Variants in MYO9B observed in about 807,000 individuals in gnomAD.
MYO9B encodes unconventional myosin-IXb.
In MYO9B, 71 loss-of-function variants were observed where a neutral mutation model predicts 229.5. The ratio of observed to expected loss-of-function variants is 0.31; its 90% CI spans 0.26 to 0.38. The LOEUF (loss-of-function observed/expected upper bound fraction) is 0.38, where lower values mean the gene tolerates loss of function less well. Among genes scored for constraint, MYO9B ranks in the 10% least tolerant of loss-of-function variants. The pLI is 1.00. For synonymous variants in MYO9B, 1,185 were observed against 1,235.8 expected, an observed-to-expected ratio of 0.96 and a Z score of 0.86; for missense variants, 2,255 against 2,920.5, an observed-to-expected ratio of 0.77 and a Z score of 5.25.
chr19:17,196,167 TGGATGGAAGATAGAGATGATGGAA>T (rs2073041069), intron 22 of MYO9B, among the ~76,000 whole-genome samples: 1 of 138,426 alleles, frequency 7.2e-6, no homozygotes, highest in Non-Finnish European at 1.6e-5. Flanking sequence ...GGTGGGTGGA[TGGATGGAAGATAGAGATGATGGAA>T]GGATGGATGG....
intron 1 of MYO9B, among the ~76,000 whole-genome samples, chr19:17,081,236 C>G (rs2057531235): frequency 6.6e-6 from 1 of 152,088 alleles, no homozygotes; most frequent in African/African-American, 2.4e-5. Context: ...TTGTGTTGAC[C>G]AGGCTGGTCT....
chr19:17,212,115 A>G lies in MYO9B; in HGVS notation c.6279A>G (p.Pro2093=). 2 of 1,590,268 alleles carry G rather than the reference A, an allele frequency of 1.3e-6. No individual in the cohort carries two copies. The highest frequency in any genetic ancestry group is 1.7e-6 in the Non-Finnish European group (2 of 1,170,004). ...CGGGTGCCCGGGAGGCGGCTGCCCC[A>G]GTGCGGCGCCGGGAGCCACCTGCCC... ...WAPGAREAAA[P]VRRREPPARR... The change falls in exon 40 of 40, where the codon CCA becomes CCG. Residue 2093 remains proline, a synonymous_variant. Coordinates refer to ENST00000682292, the MANE Select transcript of MYO9B (RefSeq NM_004145.4). This position sits in a 1 kb window ranked among gnomAD's most constrained non-coding sequence, Gnocchi z 5.4.
intron 2 of MYO9B, among the ~76,000 whole-genome samples, chr19:17,142,220 A>T (rs1379432173): frequency 6.6e-6 from 1 of 151,890 alleles, no homozygotes; most frequent in African/African-American, 2.4e-5. Context: ...ACAGGCCATA[A>T]GTGTATGACC....
At chr19:17,082,155 C>T (rs549009768) in intron 1 of MYO9B, among the ~76,000 whole-genome samples, 2 of 152,330 alleles carry the variant, frequency 1.3e-5, no homozygotes, top group African/African-American at 4.8e-5. Context: ...AGAGCTGGCC[C>T]TTGGGGAGAC....
intron 6 of MYO9B, among the ~76,000 whole-genome samples, chr19:17,155,405 T>C (rs1307621957): frequency 6.6e-6 from 1 of 152,112 alleles, no homozygotes; most frequent in Admixed American, 6.6e-5. Context: ...AATTTTGAAT[T>C]CTTGGGCTCA....
chr19:17,077,580 C>G (rs983925114), intron 1 of MYO9B, among the ~76,000 whole-genome samples: 1 of 152,180 alleles, frequency 6.6e-6, no homozygotes, highest in African/African-American at 2.4e-5. Context: ...GGGGGGAGCA[C>G]TGTGTTGGAG....
At chr19:17,081,753 G>C (rs2057535323) in intron 1 of MYO9B, among the ~76,000 whole-genome samples, 2 of 148,562 alleles carry the variant, frequency 1.3e-5, no homozygotes, top group Admixed American at 1.4e-4. Context: ...AGGTTGCAGT[G>C]AGCCGTGATC....
In MYO9B at chr19:17,090,111, T is replaced by G. The variant is rs563570948; in HGVS notation, c.-58-11549T>G. On this transcript the variant is annotated intron_variant, in intron 1 of 39. Transcript: ENST00000682292. The stretch of plus-strand genomic sequence containing the variant: ...TCCACGTTATAGCATGAATCGGTGC[T>G]TCCTTCCTTTTTTTTTTTTTTTTTT... Among the ~76,000 whole-genome samples the G allele has an allele frequency of 1.7e-3, 250 of 143,268 alleles. 1 individual carries two copies. Among genetic ancestry groups the G allele is most frequent in the African/African-American group, 6.2e-3 (242 of 38,836 alleles). The allele number at this position is 143,268 out of a possible 152,430, so 94.0% of individuals were successfully genotyped here. A position where few individuals can be genotyped will look rare whatever the true frequency, so the allele number is the denominator to read the frequency against.
chr19:17,117,578 C>G (rs371373006), intron 2 of MYO9B, among the ~76,000 whole-genome samples: 1 of 152,134 alleles, frequency 6.6e-6, no homozygotes, highest in Admixed American at 6.6e-5. Flanking sequence ...CTGTAAATCC[C>G]GGACAGTATC....
At chr19:17,082,022 C>G (rs768064447) in intron 1 of MYO9B, among the ~76,000 whole-genome samples, 1 of 152,186 alleles carries the variant, frequency 6.6e-6, no homozygotes, top group Non-Finnish European at 1.5e-5. Context: ...CCAAAAGTAA[C>G]TACACTCTTG....
At chr19:17,100,452 G>A (rs538433762) in intron 1 of MYO9B, among the ~76,000 whole-genome samples, 71 of 152,330 alleles carry the variant, frequency 4.7e-4, no homozygotes, top group Non-Finnish European at 7.5e-4. Context: ...TAGCCTGGGC[G>A]ACAGCACGAG....
At chr19:17,137,921 C>CT (rs1460359846) in intron 2 of MYO9B, among the ~76,000 whole-genome samples, 3 of 147,106 alleles carry the variant, frequency 2.0e-5, no homozygotes, top group African/African-American at 7.6e-5. Context: ...TTTTTTAATA[C>CT]TTTAAGTTCT....
At chr19:17,142,456 A>C (rs1253633150) in intron 2 of MYO9B, among the ~76,000 whole-genome samples, 2 of 152,118 alleles carry the variant, frequency 1.3e-5, no homozygotes, top group African/African-American at 4.8e-5. Flanking sequence ...ATTGTATGTC[A>C]TGTTTTACGC....
chr19:17,200,579 A>AG, intron 25 of MYO9B, 60 bp from the exon 26 acceptor site: 1 of 1,537,550 alleles, frequency 6.5e-7, no homozygotes, highest in Non-Finnish European at 8.8e-7. Context: ...GTGCCATAGG[A>AG]GGTCCCCTGC....
intron 1 of MYO9B, among the ~76,000 whole-genome samples, chr19:17,077,483 C>T (rs939921443): frequency 6.6e-6 from 1 of 152,152 alleles, no homozygotes; most frequent in Non-Finnish European, 1.5e-5. Flanking sequence ...TTGCACTGGC[C>T]TACAGAACAG....
intron 2 of MYO9B, among the ~76,000 whole-genome samples, chr19:17,137,241 A>AAAGC (rs1351281954): frequency 6.6e-6 from 1 of 151,794 alleles, no homozygotes; most frequent in Non-Finnish European, 1.5e-5. Context: ...AAAAAAAAAA[A>AAAGC]AAGCCAGGTG....
intron 2 of MYO9B, among the ~76,000 whole-genome samples, chr19:17,115,482 T>TTC (rs1319969656): frequency 6.6e-6 from 1 of 151,436 alleles, no homozygotes; most frequent in African/African-American, 2.4e-5. Context: ...TTTTTTTTTT[T>TTC]TTTTGAAATG....
At chr19:17,099,507 C>A (rs1457822188) in intron 1 of MYO9B, among the ~76,000 whole-genome samples, 5 of 152,036 alleles carry the variant, frequency 3.3e-5, no homozygotes, top group Non-Finnish European at 5.9e-5. Flanking sequence ...CTTTGGGAGG[C>A]CAAGGCGGGA....
chr19:17,142,756 G>A (rs1434583884), intron 2 of MYO9B, among the ~76,000 whole-genome samples: 1 of 152,038 alleles, frequency 6.6e-6, no homozygotes, highest in Non-Finnish European at 1.5e-5. Flanking sequence ...TTCTTCTTTG[G>A]GTTTTTGTTT....
Sources: gnomAD v4.1 joint callset for allele counts (sites outside exome capture counted in the v4.1 genomes callset) on GRCh38, gnomAD v4.1.1 for gene constraint, Gnocchi (gnomAD v3.1) non-coding constraint, MANE v1.5 for transcripts, NCBI Gene and HGNC (gene_info 2026-07-23, HGNC 2026-07-21) for gene names.